The following STRBP variants were observed in gnomAD, a reference collection of about 807,000 sequenced individuals.
STRBP encodes the protein spermatid perinuclear RNA binding protein, also known as spermatid perinuclear RNA-binding protein.
STRBP carries 13 observed loss-of-function variants against 80.1 expected under a neutral mutation model. That is an observed-to-expected ratio of 0.16 (90% CI 0.11 to 0.26). The LOEUF (loss-of-function observed/expected upper bound fraction) is 0.26. Among genes scored for constraint, STRBP ranks in the 10% least tolerant of loss-of-function variants. The pLI, the probability that STRBP is intolerant of heterozygous loss-of-function variation, is 1.00. For synonymous variants in STRBP, 284 were observed against 291.2 expected (o/e 0.98, Z 0.25); for missense variants, 485 against 815.2 (o/e 0.59, Z 4.93).
At chr9:123,224,665 T>C (rs1429751595) in intron 2 of STRBP, among the ~76,000 whole-genome samples, 2 of 152,174 alleles carry the variant, frequency 1.3e-5, no homozygotes, top group African/African-American at 4.8e-5. Flanking sequence ...ACTGATTAGG[T>C]AGACTCAAAC....
At chr9:123,133,100 G>A (rs2036209627) in intron 16 of STRBP, 132 bp from the exon 17 acceptor site, 1 of 1,091,902 alleles carries the variant, frequency 9.2e-7, no homozygotes. Flanking sequence ...CTGTGATCTT[G>A]AACCTTCAAT....
At chr9:123,263,103 T>A (rs1249564120) in intron 1 of STRBP, among the ~76,000 whole-genome samples, 2 of 152,174 alleles carry the variant, frequency 1.3e-5, no homozygotes, top group Non-Finnish European at 2.9e-5. Context: ...AATCTTCCAA[T>A]AAAAGGACCT....
intron 4 of STRBP, among the ~76,000 whole-genome samples, chr9:123,177,393 G>C (rs2038267451): frequency 6.6e-6 from 1 of 152,036 alleles, no homozygotes; most frequent in Non-Finnish European, 1.5e-5. Context: ...GCAAGACTCT[G>C]TCTCTCCAAA....
intron 14 of STRBP, among the ~76,000 whole-genome samples, chr9:123,137,659 C>T (rs2132325253): frequency 1.3e-5 from 2 of 152,314 alleles, no homozygotes; most frequent in South Asian, 4.1e-4. Context: ...CCGCCTGCCT[C>T]AGCCTCCCAA....
chr9:123,229,356 G>T (rs2040334974), intron 2 of STRBP, among the ~76,000 whole-genome samples: 1 of 152,128 alleles, frequency 6.6e-6, no homozygotes, highest in Non-Finnish European at 1.5e-5. Flanking sequence ...TCTCAATAAA[G>T]AAATAGAAGA....
chr9:123,247,392 T>C (rs543462908), intron 1 of STRBP, among the ~76,000 whole-genome samples: 3 of 152,230 alleles, frequency 2.0e-5, no homozygotes, highest in East Asian at 3.9e-4. Flanking sequence ...CTCAGCCTCC[T>C]GAGTAGCTGG....
intron 2 of STRBP, among the ~76,000 whole-genome samples, chr9:123,233,054 T>C (rs1318026529): frequency 1.3e-5 from 2 of 152,216 alleles, no homozygotes; most frequent in Non-Finnish European, 2.9e-5. Flanking sequence ...CTAACAGTTA[T>C]ACATTTTTAT....
At chr9:123,193,931 C>T (rs1252490739) in intron 2 of STRBP, among the ~76,000 whole-genome samples, 1 of 152,104 alleles carries the variant, frequency 6.6e-6, no homozygotes, top group East Asian at 1.9e-4. Context: ...TTTTCATGAC[C>T]ATTAGCCTCA....
chr9:123,250,413 T>C (rs2040887798), intron 1 of STRBP, among the ~76,000 whole-genome samples: 1 of 152,214 alleles, frequency 6.6e-6, no homozygotes, highest in South Asian at 2.1e-4. Flanking sequence ...TAAATTTTTA[T>C]CAGATATAAT....
rs544771858 is a variant in STRBP, at chr9:123,122,120, T to C, written c.*3477A>G. On this transcript the variant is annotated 3_prime_UTR_variant, in exon 19 of 19. Coordinates refer to ENST00000348403, the MANE Select transcript of STRBP (RefSeq NM_018387.5). ...ATGACCTAAGAGATCAAATACATCA[T>C]ATATGATTGTCATATATGCATGTTG... 78 of 261,470 alleles carry C rather than the reference T, an allele frequency of 3.0e-4. No individual in the cohort carries two copies. Among genetic ancestry groups the C allele is most frequent in the African/African-American group, 1.1e-3 (50 of 44,080 alleles). 16.2% of individuals were successfully genotyped at this position (261,470 alleles called of 1,614,324 possible).
intron 1 of STRBP, among the ~76,000 whole-genome samples, chr9:123,256,008 T>C (rs1466708682): frequency 7.1e-6 from 1 of 141,564 alleles, no homozygotes; most frequent in South Asian, 2.3e-4. Context: ...TTCCAAGACA[T>C]CCTTTCTTTC....
At chr9:123,228,055 A>C (rs947465991) in intron 2 of STRBP, among the ~76,000 whole-genome samples, 1 of 152,220 alleles carries the variant, frequency 6.6e-6, no homozygotes, top group African/African-American at 2.4e-5. Flanking sequence ...GGTGAGGTCA[A>C]CGAGACTTCC....
chr9:123,112,118 T>C (rs2035577103), intron 3 of STRBP: 1 of 167,500 alleles, frequency 6.0e-6, no homozygotes, highest in Non-Finnish European at 1.4e-5. Flanking sequence ...GGCAGCAACG[T>C]AGCCCTCGCC....
intron 4 of STRBP, among the ~76,000 whole-genome samples, chr9:123,176,714 A>G (rs1207988369): frequency 6.6e-6 from 1 of 152,216 alleles, no homozygotes; most frequent in Non-Finnish European, 1.5e-5. Context: ...CCACAGGTAG[A>G]AGACAGCATG....
rs1374361681 is a variant in STRBP, at chr9:123,159,269, T to C, written c.724-62A>G. 14 of 1,208,116 alleles carry C rather than the reference T, an allele frequency of 1.2e-5. No individual in the cohort carries two copies. In the East Asian group the frequency reaches 3.1e-4, roughly 27 times the overall value. 74.8% of individuals were successfully genotyped at this position (1,208,116 alleles called of 1,614,324 possible). On this transcript the variant is annotated intron_variant, in intron 8 of 18. Transcript: ENST00000348403. ...AAGTGTTAAAAGGATTCCAGTTAAA[T>C]GTGAGCTAACATTTCTATCTACAAG...
intron 18 of STRBP, 115 bp from the exon 19 acceptor site, chr9:123,125,788 C>A: frequency 1.4e-6 from 1 of 737,886 alleles, no homozygotes; most frequent in South Asian, 2.3e-5. Context: ...ATCAGTCAGT[C>A]AACATGTATA....
chr9:123,157,892 T>C, intron 11 of STRBP, 120 bp downstream of exon 11: 1 of 787,292 alleles, frequency 1.3e-6, no homozygotes, highest in Middle Eastern at 2.6e-4. Flanking sequence ...GGAAGAAAGC[T>C]TTTTATATAT....
At chr9:123,258,532 G>A (rs2041085054) in intron 1 of STRBP, among the ~76,000 whole-genome samples, 1 of 152,174 alleles carries the variant, frequency 6.6e-6, no homozygotes, top group African/African-American at 2.4e-5. Context: ...GGCCAGGCGT[G>A]GTGGCTCACG....
intron 2 of STRBP, among the ~76,000 whole-genome samples, chr9:123,201,885 T>C (rs924458193): frequency 1.8e-4 from 27 of 152,344 alleles, no homozygotes; most frequent in African/African-American, 6.3e-4. Flanking sequence ...CTATCTCATT[T>C]CTTAGGTCTA....
Sources: gnomAD v4.1 joint callset for allele counts (sites outside exome capture counted in the v4.1 genomes callset) on GRCh38, gnomAD v4.1.1 for gene constraint, MANE v1.5 for transcripts, NCBI Gene and HGNC (gene_info 2026-07-23, HGNC 2026-07-21) for gene names.